AGTPBP1: variants seen among roughly 807,000 people sequenced by gnomAD.
The protein encoded by AGTPBP1 is ATP/GTP binding carboxypeptidase 1, also known as cytosolic carboxypeptidase 1.
A neutral mutation model predicts 143.9 loss-of-function variants in AGTPBP1; 70 were observed. The ratio of observed to expected loss-of-function variants is 0.49; its 90% CI spans 0.40 to 0.59. The LOEUF (loss-of-function observed/expected upper bound fraction) is 0.59. AGTPBP1 is among the 20% of genes least tolerant of loss of function. The pLI, the probability that AGTPBP1 is intolerant of heterozygous loss-of-function variation, is 0.00. For synonymous variants in AGTPBP1, 463 were observed against 500.2 expected (o/e 0.93, Z 0.99); for missense variants, 1,229 against 1,464.5 (o/e 0.84, Z 2.62).
chr9:85,709,581 G>T (rs2134452796), intron 2 of AGTPBP1, among the ~76,000 whole-genome samples: 1 of 152,258 alleles, frequency 6.6e-6, no homozygotes, highest in East Asian at 1.9e-4. Flanking sequence ...GCAAGAACGT[G>T]TAATAATGGA....
intron 23 of AGTPBP1, among the ~76,000 whole-genome samples, chr9:85,584,570 T>C (rs1423551582): frequency 6.6e-6 from 1 of 152,202 alleles, no homozygotes; most frequent in Non-Finnish European, 1.5e-5. Context: ...TGTGAAGGCT[T>C]TGCTCCACAA....
chr9:85,614,516 C>T (rs546949488), intron 17 of AGTPBP1, among the ~76,000 whole-genome samples: 1 of 152,098 alleles, frequency 6.6e-6, no homozygotes, highest in South Asian at 2.1e-4. Context: ...AGTAGTAAGA[C>T]TGGATATAAA....
intron 1 of AGTPBP1, among the ~76,000 whole-genome samples, chr9:85,733,259 A>T (rs1004877026): frequency 6.6e-6 from 1 of 152,230 alleles, no homozygotes; most frequent in Non-Finnish European, 1.5e-5. Flanking sequence ...CTTTTAAAAG[A>T]TATTTATCAT....
At chr9:85,764,896 C>G in the AGTPBP1 span, 1 of 1,187,484 alleles carries the variant, frequency 8.4e-7, no homozygotes, top group East Asian at 2.3e-5. Flanking sequence ...AGATGAAAAA[C>G]TTAAAAATGG....
chr9:85,797,407 T>C, the AGTPBP1 span, among the ~76,000 whole-genome samples: 17 of 152,292 alleles, frequency 1.1e-4, no homozygotes, highest in Non-Finnish European at 2.1e-4. Context: ...CCACACCTGG[T>C]GGTTGCTTAG....
chr9:85,711,041 G>A (rs913436384), intron 2 of AGTPBP1, among the ~76,000 whole-genome samples: 1 of 152,122 alleles, frequency 6.6e-6, no homozygotes, highest in Non-Finnish European at 1.5e-5. Context: ...TATCTAAACA[G>A]TGTGTATACT....
chr9:85,762,676 C>T, the AGTPBP1 span, among the ~76,000 whole-genome samples: 557 of 151,024 alleles, frequency 3.7e-3, 5 homozygotes, highest in African/African-American at 0.013. Context: ...ATGTAAATGA[C>T]GAGTTAATGG....
At chr9:85,616,244 A>C (rs1300981756) in intron 17 of AGTPBP1, among the ~76,000 whole-genome samples, 1 of 151,982 alleles carries the variant, frequency 6.6e-6, no homozygotes, top group Non-Finnish European at 1.5e-5. Flanking sequence ...TGTGATATAC[A>C]TACAAGAATA....
chr9:85,595,926 T>C (rs534223412), intron 18 of AGTPBP1, among the ~76,000 whole-genome samples: 2 of 152,216 alleles, frequency 1.3e-5, no homozygotes, highest in African/African-American at 2.4e-5. Flanking sequence ...ACATCTCCAG[T>C]TAACATTTTG....
chr9:85,601,117 C>G (rs150980137), intron 17 of AGTPBP1, among the ~76,000 whole-genome samples: 5 of 152,252 alleles, frequency 3.3e-5, no homozygotes, highest in Non-Finnish European at 7.4e-5. Flanking sequence ...CAGCTGTCGC[C>G]TGGGGCTGAG....
chr9:85,636,486 C>T (rs921325776), intron 13 of AGTPBP1, among the ~76,000 whole-genome samples: 14 of 151,976 alleles, frequency 9.2e-5, no homozygotes, highest in African/African-American at 2.9e-4. Context: ...TCTCGATCTC[C>T]TGACTTTGTG....
At chr9:85,625,086 T>G (rs894853185) in intron 14 of AGTPBP1, among the ~76,000 whole-genome samples, 2 of 152,218 alleles carry the variant, frequency 1.3e-5, no homozygotes, top group African/African-American at 2.4e-5. Context: ...ATGAAAAACT[T>G]TGAATGCCAC....
At chr9:85,773,478 T>C in the AGTPBP1 span, among the ~76,000 whole-genome samples, 3 of 150,758 alleles carry the variant, frequency 2.0e-5, no homozygotes, top group East Asian at 2.0e-4. Context: ...GGATTACAGG[T>C]GTGCACCACC....
intron 15 of AGTPBP1, among the ~76,000 whole-genome samples, chr9:85,619,730 T>C (rs1368275243): frequency 2.0e-5 from 3 of 152,236 alleles, no homozygotes; most frequent in Non-Finnish European, 4.4e-5. Flanking sequence ...GAAGCACACG[T>C]ATTATCATTT....
intron 11 of AGTPBP1, among the ~76,000 whole-genome samples, chr9:85,653,194 C>T (rs1833277016): frequency 6.8e-6 from 1 of 148,098 alleles, no homozygotes; most frequent in Admixed American, 6.8e-5. Context: ...CTCTTGAACT[C>T]AGGAGTTCGA....
At chr9:85,684,717 C>T (rs1835385462) in intron 3 of AGTPBP1, among the ~76,000 whole-genome samples, 2 of 152,088 alleles carry the variant, frequency 1.3e-5, no homozygotes, top group South Asian at 2.1e-4. Context: ...TTTAAACTTC[C>T]TAACACTTAG....
chr9:85,564,706 T>C (rs1826967869), intron 25 of AGTPBP1, among the ~76,000 whole-genome samples: 1 of 152,212 alleles, frequency 6.6e-6, no homozygotes, highest in Non-Finnish European at 1.5e-5. Flanking sequence ...GGCTATACCA[T>C]CTAGGTTACT....
intron 25 of AGTPBP1, among the ~76,000 whole-genome samples, chr9:85,559,152 T>G (rs1039540734): frequency 5.9e-5 from 9 of 152,368 alleles, no homozygotes; most frequent in South Asian, 4.1e-4. Context: ...TTTGCTTTTA[T>G]GAGTCCTACC....
At chr9:85,735,436 A>G (rs1328235269) in intron 1 of AGTPBP1, among the ~76,000 whole-genome samples, 1 of 152,226 alleles carries the variant, frequency 6.6e-6, no homozygotes, top group Non-Finnish European at 1.5e-5. Flanking sequence ...AGAAGATAAA[A>G]GAAGTTCCAT....
Sources: gnomAD v4.1 joint callset for allele counts (sites outside exome capture counted in the v4.1 genomes callset) on GRCh38, gnomAD v4.1.1 for gene constraint, MANE v1.5 for transcripts, NCBI Gene and HGNC (gene_info 2026-07-23, HGNC 2026-07-21) for gene names.